The following LAMA1 variants were observed in gnomAD, a reference collection of about 807,000 sequenced individuals.
LAMA1 encodes the protein laminin subunit alpha 1.
LAMA1 carries 219 observed loss-of-function variants against 348.7 expected under a neutral mutation model. The observed-to-expected ratio is 0.63, with a 90% confidence interval of 0.56 to 0.70. LAMA1 has a LOEUF of 0.70. Ranked by LOEUF, LAMA1 falls within the 30% of genes least tolerant of loss-of-function variation. LAMA1 has a pLI of 0.00. For missense variants in LAMA1, 3,744 were observed against 3,888.0 expected (o/e 0.96, Z 0.99); for synonymous variants, 1,487 against 1,491.0 (o/e 1.00, Z 0.06).
At chr18:7,106,069 G>C (rs1489555957) in intron 1 of LAMA1, among the ~76,000 whole-genome samples, 2 of 152,178 alleles carry the variant, frequency 1.3e-5, no homozygotes, top group Non-Finnish European at 2.9e-5. Context: ...AGATGTGTGG[G>C]TGTTGTTATC....
chr18:7,010,288 C>A lies in LAMA1; in HGVS notation c.3785G>T (p.Gly1262Val). 1.2e-6 allele frequency: 2 copies of A among 1,614,172 alleles called. No individual in the cohort carries two copies. The highest frequency in any genetic ancestry group is 1.3e-5 in the African/African-American group (1 of 75,042). ...SNFEPQVLIK[G>V]GRIRKQVIYM... The stretch of plus-strand genomic sequence containing the variant: ...AATGACTTGCTTTCTGATCCGACCA[C>A]CTTTGATGAGAACTTGAGGCTCAAA... The change falls in exon 26 of 63, where the codon GGT becomes GTT. Residue 1262 changes from glycine to valine, a missense_variant. Gly to Val is a moderately radical substitution (Grantham distance 109). Coordinates refer to ENST00000389658, the MANE Select transcript of LAMA1 (RefSeq NM_005559.4).
chr18:7,026,126 G>C lies in LAMA1; in HGVS notation c.2275-20C>G. 6.2e-7 allele frequency: 1 copy of C among 1,609,332 alleles called. No homozygotes were observed. The highest frequency in any genetic ancestry group is 8.5e-7 in the Non-Finnish European group (1 of 1,177,442). ...ACACGCCTAGGAACATGCACCAGAA[G>C]AATCAGCTCAGGTTGTCTTAAAGGA... is the stretch of plus-strand genomic sequence containing the variant. On this transcript the variant is annotated intron_variant, in intron 16 of 62. Coordinates refer to ENST00000389658, the MANE Select transcript of LAMA1 (RefSeq NM_005559.4).
intron 12 of LAMA1, among the ~76,000 whole-genome samples, chr18:7,036,767 G>T (rs904903286): frequency 1.3e-5 from 2 of 152,008 alleles, no homozygotes; most frequent in African/African-American, 4.8e-5. Flanking sequence ...TACAAAACAA[G>T]TTTTAAAATG....
chr18:7,093,276 C>A (rs900350327), intron 1 of LAMA1, among the ~76,000 whole-genome samples: 1 of 151,992 alleles, frequency 6.6e-6, no homozygotes, highest in South Asian at 2.1e-4. Flanking sequence ...ATTAGCCGGG[C>A]GGGGTGGCGG....
intron 30 of LAMA1, among the ~76,000 whole-genome samples, chr18:7,001,054 A>G (rs2057805468): frequency 6.6e-6 from 1 of 152,214 alleles, no homozygotes; most frequent in African/African-American, 2.4e-5. Context: ...AAACGTGCAA[A>G]GTAGTAGGGT....
chr18:7,069,319 G>A (rs868478139), intron 3 of LAMA1, among the ~76,000 whole-genome samples: 2 of 152,200 alleles, frequency 1.3e-5, no homozygotes, highest in Non-Finnish European at 1.5e-5. Flanking sequence ...GTGCATTCCT[G>A]TTTGGTTCCT....
intron 1 of LAMA1, among the ~76,000 whole-genome samples, chr18:7,102,724 G>A (rs1383446186): frequency 1.3e-5 from 2 of 152,106 alleles, no homozygotes; most frequent in Non-Finnish European, 2.9e-5. Flanking sequence ...CTGGGGTCTG[G>A]AGTACAAGGT....
intron 48 of LAMA1, among the ~76,000 whole-genome samples, 156 bp downstream of exon 48, chr18:6,971,701 G>A (rs535812405): frequency 8.3e-4 from 126 of 151,708 alleles, no homozygotes; most frequent in African/African-American, 2.9e-3. Flanking sequence ...GACAATAAAC[G>A]TATGAAAAAG....
chr18:6,955,471 A>C lies in LAMA1; in HGVS notation c.8095-6T>G. 4 of 1,608,622 alleles carry C rather than the reference A, an allele frequency of 2.5e-6. No homozygotes were observed. Among genetic ancestry groups the C allele is most frequent in the Non-Finnish European group, 3.4e-6 (4 of 1,175,074 alleles). Reference sequence around the variant, plus strand: ...GCATCCACCACACACTGTTCCTGTAAGAGACACACAGGGACACTCAGCCGC... The same window carrying C: ...GCATCCACCACACACTGTTCCTGTACGAGACACACAGGGACACTCAGCCGC... On this transcript the variant is annotated splice_polypyrimidine_tract_variant and splice_region_variant and intron_variant, in intron 56 of 62. Transcript: ENST00000389658.
At chr18:6,951,244 A>G (rs1377877129) in intron 57 of LAMA1, among the ~76,000 whole-genome samples, 1 of 152,226 alleles carries the variant, frequency 6.6e-6, no homozygotes, top group Non-Finnish European at 1.5e-5. Context: ...CACATCAGAC[A>G]GTAAAGTGGG....
intron 7 of LAMA1, 141 bp from the exon 8 acceptor site, chr18:7,043,546 G>A (rs2144187462): frequency 1.4e-6 from 1 of 693,460 alleles, no homozygotes; most frequent in Non-Finnish European, 2.5e-6. Flanking sequence ...GATATGGGCA[G>A]TATTATGGAG....
At chr18:7,085,802 T>C (rs973679334) in intron 1 of LAMA1, among the ~76,000 whole-genome samples, 1 of 152,194 alleles carries the variant, frequency 6.6e-6, no homozygotes, top group Admixed American at 6.5e-5. Context: ...GAAGCTACCC[T>C]GTTAATCAGC....
rs774757412 is a variant in LAMA1, at chr18:6,993,680, G to C, written c.4969C>G (p.Leu1657Val). ...TERIFKESQD[L>V]AIAIERLQMS... ...TGCAGCCTCTCAATGGCTATGGCCA[G>C]GTCTTGACTCTCCTTGAAGATTCTC... Residue 1657 changes from leucine (L) to valine (V), a missense_variant, in exon 35 of 63, where the codon CTG becomes GTG. Physicochemically the swap from Leu to Val is conservative, Grantham distance 32. This residue lies in a region of LAMA1 where 1,983 missense variants were observed against 1,934.3 expected (regional missense o/e 1.03). Coordinates refer to ENST00000389658, the MANE Select transcript of LAMA1 (RefSeq NM_005559.4). The C allele has an allele frequency of 3.3e-5, 53 of 1,613,852 alleles. No individual in the cohort carries two copies. Among genetic ancestry groups the C allele is most frequent in the Non-Finnish European group, 4.5e-5 (53 of 1,179,910 alleles).
chr18:6,948,679 T>C (rs114704714), intron 59 of LAMA1, 123 bp from the exon 60 acceptor site: 2 of 1,101,986 alleles, frequency 1.8e-6, no homozygotes, highest in African/African-American at 3.1e-5. Context: ...TCTTTTTGTT[T>C]TAAAACTTTA....
In LAMA1 at chr18:7,044,741, G is replaced by A; in HGVS notation, c.957C>T (p.Ser319=). 2 of 1,614,066 alleles carry A rather than the reference G, an allele frequency of 1.2e-6. No homozygotes were observed. Among genetic ancestry groups the A allele is most frequent in the South Asian group, 1.1e-5 (1 of 91,078 alleles). ...ACTGACCTTCACATGTATTGCCGGA[G>A]GACACGGTTCCCGGCCTCCAGGGCT... ...HQQPWRPGTV[S]SGNTCEACNC... The change falls in exon 7 of 63, where the codon TCC becomes TCT. Residue 319 remains serine (S), a synonymous_variant. Coordinates refer to ENST00000389658, the MANE Select transcript of LAMA1 (RefSeq NM_005559.4).
chr18:7,105,724 G>A (rs926944726), intron 1 of LAMA1, among the ~76,000 whole-genome samples: 2 of 152,154 alleles, frequency 1.3e-5, no homozygotes, highest in Admixed American at 6.5e-5. Flanking sequence ...GGATGAATTC[G>A]TTAAAGAATG....
Position 7,117,653 on chromosome 18 carries a change from G to A in LAMA1, c.61+7C>T. On this transcript the variant is annotated splice_region_variant and intron_variant, in intron 1 of 62. Coordinates refer to ENST00000389658, the MANE Select transcript of LAMA1 (RefSeq NM_005559.4). ...GACAGGGACCCTAGGACCCGGGCCG[G>A]GCTCACCTCTCTGCCGGCACTGCGC... The A allele has an allele frequency of 6.3e-7, 1 of 1,597,062 alleles. No homozygotes were observed. The highest frequency in any genetic ancestry group is 8.5e-7 in the Non-Finnish European group (1 of 1,178,302).
In LAMA1 at chr18:6,969,563, C is replaced by T. The variant is rs927642659; in HGVS notation, c.6899+2294G>A. ...CCCTACACCAAACTAGCATTCTTTA[C>T]AAACACGTATTTTTGGAAATGTTGG... On this transcript the variant is annotated intron_variant, in intron 48 of 62. Coordinates refer to ENST00000389658, the MANE Select transcript of LAMA1 (RefSeq NM_005559.4). 2.2e-4 allele frequency among the ~76,000 whole-genome samples: 33 copies of T among 152,338 alleles called. No homozygotes were observed. The South Asian group carries it at 2.3e-3, about 11-fold the overall frequency.
At chr18:7,044,685 A>G (rs1329548243) in intron 7 of LAMA1, 37 bp downstream of exon 7, 2 of 1,513,586 alleles carry the variant, frequency 1.3e-6, no homozygotes, top group Non-Finnish European at 1.8e-6. Context: ...TATTAAGAGG[A>G]AAACTGTACT....
Sources: gnomAD v4.1 joint callset for allele counts (sites outside exome capture counted in the v4.1 genomes callset) on GRCh38, gnomAD v4.1.1 for gene constraint, gnomAD v4.1.1 regional missense constraint, MANE v1.5 for transcripts, NCBI Gene and HGNC (gene_info 2026-07-23, HGNC 2026-07-21) for gene names.